The following HS3ST4 variants were observed in gnomAD, a reference collection of about 807,000 sequenced individuals.
The protein encoded by HS3ST4 is heparan sulfate glucosamine 3-O-sulfotransferase 4.
HS3ST4 carries 17 observed loss-of-function variants against 29.2 expected under a neutral mutation model. That is an observed-to-expected ratio of 0.58 (90% CI 0.40 to 0.87). The LOEUF is 0.87. Among genes scored for constraint, HS3ST4 ranks in the 40% least tolerant of loss-of-function variants. HS3ST4 has a pLI of 0.00. For missense variants in HS3ST4, 627 were observed against 634.5 expected, an observed-to-expected ratio of 0.99 and a Z score of 0.13; for synonymous variants, 314 against 285.7, an observed-to-expected ratio of 1.10 and a Z score of -1.00.
chr16:26,133,586 T>C (rs1001924372), intron 1 of HS3ST4, among the ~76,000 whole-genome samples: 1 of 152,216 alleles, frequency 6.6e-6, no homozygotes, highest in African/African-American at 2.4e-5. Context: ...GCCCAACCAT[T>C]ATACTAACAA....
intron 1 of HS3ST4, among the ~76,000 whole-genome samples, chr16:25,750,005 A>G (rs1443618351): frequency 3.3e-5 from 5 of 152,324 alleles, no homozygotes; most frequent in Middle Eastern, 3.4e-3. Flanking sequence ...TTATGCTCAT[A>G]TATTCTGTGG....
chr16:25,741,397 G>GGGA (rs1235362257), intron 1 of HS3ST4, among the ~76,000 whole-genome samples: 1 of 137,738 alleles, frequency 7.3e-6, no homozygotes, highest in Non-Finnish European at 1.6e-5. Context: ...AAAAGGCGGG[G>GGGA]GGAGGAGGGG....
Position 25,692,071 on chromosome 16 carries a change from G to A in HS3ST4, c.-347G>A, listed in dbSNP as rs1966251091. The A allele has an allele frequency of 6.6e-6, 1 of 151,174 alleles. No homozygotes were observed. Among genetic ancestry groups the A allele is most frequent in the Admixed American group, 6.6e-5 (1 of 15,218 alleles). 9.4% of individuals were successfully genotyped at this position (151,174 alleles called of 1,614,324 possible). A position where few individuals can be genotyped will look rare whatever the true frequency, so the allele number is the denominator to read the frequency against. On this transcript the variant is annotated 5_prime_UTR_variant, in exon 1 of 2. Transcript: ENST00000331351. The stretch of plus-strand genomic sequence containing the variant: ...AGAGGCTGAAGCAGAAGCCGCGGCG[G>A]AGCCGGGGAAGCGGGGGCGCTGCAG...
chr16:25,789,062 TTGATCAGGCC>T (rs1408129302), intron 1 of HS3ST4, among the ~76,000 whole-genome samples: 2 of 152,154 alleles, frequency 1.3e-5, no homozygotes, highest in Non-Finnish European at 2.9e-5. Context: ...AATGCTCTGA[TTGATCAGGCC>T]TGGGTCATGT....
At chr16:26,134,180 A>C (rs1300150799) in intron 1 of HS3ST4, among the ~76,000 whole-genome samples, 1 of 152,086 alleles carries the variant, frequency 6.6e-6, no homozygotes, top group Admixed American at 6.5e-5. Flanking sequence ...CAGCCTTAGC[A>C]AAGGAACCAA....
chr16:26,108,938 C>G (rs1165722032), intron 1 of HS3ST4, among the ~76,000 whole-genome samples: 1 of 152,042 alleles, frequency 6.6e-6, no homozygotes, highest in Non-Finnish European at 1.5e-5. Context: ...CCTGGAAGCA[C>G]TAAGAGGAAT....
At chr16:26,119,696 C>G (rs1316957186) in intron 1 of HS3ST4, among the ~76,000 whole-genome samples, 1 of 152,190 alleles carries the variant, frequency 6.6e-6, no homozygotes, top group African/African-American at 2.4e-5. Flanking sequence ...TCCTTCTCTT[C>G]TTTTCTGCTT....
intron 1 of HS3ST4, among the ~76,000 whole-genome samples, chr16:25,875,317 GC>G (rs1567262106): frequency 6.6e-6 from 1 of 152,136 alleles, no homozygotes; most frequent in African/African-American, 2.4e-5. Context: ...GAGGGAAGGA[GC>G]AGTGCTTTTT....
chr16:25,866,176 G>C (rs1227167832), intron 1 of HS3ST4, among the ~76,000 whole-genome samples: 1 of 152,176 alleles, frequency 6.6e-6, no homozygotes, highest in Non-Finnish European at 1.5e-5. Context: ...TGCAGTGGGG[G>C]CTTCAATATG....
At position 26,136,223 on chromosome 16, in the gene HS3ST4, G is replaced by A; in HGVS notation, c.1346G>A (p.Trp449Ter). ...FYQMTGQDFQ[W>*]EQEEGDK ...CAAATGACTGGTCAAGATTTTCAGT[G>A]GGAACAGGAAGAGGGTGATAAATGA... The change falls in exon 2 of 2, where the codon TGG (tryptophan) becomes TAG (stop). Residue 449 changes from tryptophan to a stop codon, truncating the protein, a stop_gained. Coordinates refer to ENST00000331351, the MANE Select transcript of HS3ST4 (RefSeq NM_006040.3). LOFTEE classifies it high-confidence loss of function. The A allele has an allele frequency of 1.2e-6, 2 of 1,612,994 alleles. No individual in the cohort carries two copies. Among genetic ancestry groups the A allele is most frequent in the Non-Finnish European group, 1.7e-6 (2 of 1,179,670 alleles).
chr16:26,128,501 C>G (rs949867029), intron 1 of HS3ST4, among the ~76,000 whole-genome samples: 11 of 152,218 alleles, frequency 7.2e-5, no homozygotes, highest in Non-Finnish European at 1.5e-4. Context: ...TGCAATTTTA[C>G]TGAAAGCCCT....
At position 26,038,675 on chromosome 16, in the gene HS3ST4, T is replaced by G. The variant is rs1380567400; in HGVS notation, c.735-96937T>G. On this transcript the variant is annotated intron_variant, in intron 1 of 1. Transcript: ENST00000331351. ...TTAATTATGTATGTATGTATGTATGTATGTATGTATGTATTTATTTTTGAG... is the reference window on the plus strand; with the variant it reads ...TTAATTATGTATGTATGTATGTATGGATGTATGTATGTATTTATTTTTGAG... Among the ~76,000 whole-genome samples, 4 of 151,732 alleles carry G rather than the reference T, an allele frequency of 2.6e-5. No individual in the cohort carries two copies. In the East Asian group the frequency reaches 7.7e-4, roughly 29 times the overall value.
chr16:25,871,607 A>G (rs1345867805), intron 1 of HS3ST4, among the ~76,000 whole-genome samples: 2 of 152,198 alleles, frequency 1.3e-5, no homozygotes, highest in Non-Finnish European at 2.9e-5. Flanking sequence ...TAAAGTAGCA[A>G]CTATTATTTG....
intron 1 of HS3ST4, among the ~76,000 whole-genome samples, chr16:25,835,874 A>G (rs966431029): frequency 6.6e-6 from 1 of 152,200 alleles, no homozygotes; most frequent in African/African-American, 2.4e-5. Context: ...CTTGCGAGCA[A>G]CAGAAATTGA....
At chr16:25,800,549 T>C (rs1166424517) in intron 1 of HS3ST4, among the ~76,000 whole-genome samples, 1 of 152,196 alleles carries the variant, frequency 6.6e-6, no homozygotes, top group Non-Finnish European at 1.5e-5. Flanking sequence ...GAAAATGAGT[T>C]TTCCTCTGAA....
chr16:25,933,979 C>T (rs1200636678), intron 1 of HS3ST4, among the ~76,000 whole-genome samples: 1 of 152,200 alleles, frequency 6.6e-6, no homozygotes, highest in African/African-American at 2.4e-5. Flanking sequence ...GAGAGGGAAC[C>T]ATATCAGCTG....
At chr16:25,867,337 G>A (rs920235149) in intron 1 of HS3ST4, among the ~76,000 whole-genome samples, 4 of 152,144 alleles carry the variant, frequency 2.6e-5, no homozygotes, top group Non-Finnish European at 5.9e-5. Context: ...GCTGATAGGA[G>A]CAGCAAATGT....
intron 1 of HS3ST4, among the ~76,000 whole-genome samples, chr16:25,965,821 C>T (rs953409887): frequency 6.6e-6 from 1 of 152,186 alleles, no homozygotes; most frequent in Admixed American, 6.5e-5. Flanking sequence ...GAACTCTTCA[C>T]AAGGACCTCC....
intron 1 of HS3ST4, among the ~76,000 whole-genome samples, chr16:25,891,565 G>C (rs1405235245): frequency 6.6e-6 from 1 of 152,114 alleles, no homozygotes. Context: ...GAGACTGAGT[G>C]TCCCATGAGA....
Sources: allele counts gnomAD v4.1 joint callset (sites outside exome capture counted in the v4.1 genomes callset), GRCh38; gene constraint gnomAD v4.1.1; transcripts MANE v1.5; gene names NCBI Gene and HGNC (gene_info 2026-07-23, HGNC 2026-07-21).